Variants in TMEM117 observed in about 807,000 individuals in gnomAD.
The protein encoded by TMEM117 is transmembrane protein 117.
Under a neutral mutation model 52.4 loss-of-function variants are expected in TMEM117, and 27 were observed. The ratio of observed to expected loss-of-function variants is 0.51; its 90% confidence interval spans 0.38 to 0.71. The LOEUF is 0.71. TMEM117 is among the 30% of genes least tolerant of loss of function. The pLI is 0.00. For synonymous variants in TMEM117, 215 were observed against 206.3 expected, an observed-to-expected ratio of 1.04 and a Z score of -0.36; for missense variants, 556 against 630.5, an observed-to-expected ratio of 0.88 and a Z score of 1.26.
intron 3 of TMEM117, among the ~76,000 whole-genome samples, chr12:43,948,401 G>T (rs1945168199): frequency 6.6e-6 from 1 of 151,890 alleles, no homozygotes; most frequent in Admixed American, 6.6e-5. Context: ...TGCCTCCTGG[G>T]TTCATGCCAT....
At chr12:44,090,454 T>A (rs1054690231) in intron 3 of TMEM117, among the ~76,000 whole-genome samples, 5 of 146,158 alleles carry the variant, frequency 3.4e-5, no homozygotes, top group Non-Finnish European at 7.5e-5. Context: ...TTATTTATTT[T>A]GAGACTGAGT....
chr12:44,060,768 T>TGA (rs1041260301), intron 3 of TMEM117, among the ~76,000 whole-genome samples: 1 of 152,140 alleles, frequency 6.6e-6, no homozygotes, highest in Admixed American at 6.6e-5. Flanking sequence ...GTGAGTTTTC[T>TGA]GAGAGAGAGA....
At chr12:44,161,749 A>G (rs1318116048) in intron 4 of TMEM117, among the ~76,000 whole-genome samples, 1 of 152,104 alleles carries the variant, frequency 6.6e-6, no homozygotes, top group Non-Finnish European at 1.5e-5. Flanking sequence ...TTGGTATTTC[A>G]GTTGGTTGTC....
intron 3 of TMEM117, among the ~76,000 whole-genome samples, chr12:44,025,645 A>G (rs1252002083): frequency 6.6e-6 from 1 of 152,062 alleles, no homozygotes; most frequent in African/African-American, 2.4e-5. Context: ...TGTATTTTCG[A>G]AAAAAAATGT....
intron 6 of TMEM117, among the ~76,000 whole-genome samples, chr12:44,334,316 A>C (rs1185105213): frequency 6.6e-6 from 1 of 152,064 alleles, no homozygotes; most frequent in Non-Finnish European, 1.5e-5. Context: ...TAATATAATT[A>C]AGGGAATGGA....
At chr12:44,316,284 G>GT (rs1467421010) in intron 6 of TMEM117, among the ~76,000 whole-genome samples, 1 of 151,908 alleles carries the variant, frequency 6.6e-6, no homozygotes. Context: ...TTCTCTTAGC[G>GT]TTTTTTTATT....
chr12:43,898,296 A>T (rs1016296750), intron 2 of TMEM117, among the ~76,000 whole-genome samples: 11 of 151,536 alleles, frequency 7.3e-5, no homozygotes, highest in African/African-American at 2.4e-4. Context: ...CTAGCTAGAC[A>T]TATGAATGCC....
chr12:44,323,548 C>G (rs78725908), intron 6 of TMEM117, among the ~76,000 whole-genome samples: 2,033 of 151,962 alleles, frequency 0.013, 36 homozygotes, highest in African/African-American at 0.047. Context: ...TTTTTCTTAC[C>G]CATTTGACCA....
intron 5 of TMEM117, among the ~76,000 whole-genome samples, chr12:44,294,314 G>A (rs1950741310): frequency 6.6e-6 from 1 of 152,078 alleles, no homozygotes; most frequent in Admixed American, 6.6e-5. Flanking sequence ...GATTCCCAGT[G>A]GATGCCTGAA....
intron 6 of TMEM117, among the ~76,000 whole-genome samples, chr12:44,307,210 A>G (rs1245480264): frequency 1.3e-5 from 2 of 152,218 alleles, no homozygotes; most frequent in African/African-American, 4.8e-5. Flanking sequence ...TGGCAGAGCA[A>G]CAAGCATAAA....
the TMEM117 span, among the ~76,000 whole-genome samples, chr12:43,822,746 C>G: frequency 1.3e-5 from 2 of 151,740 alleles, no homozygotes; most frequent in Non-Finnish European, 2.9e-5. Flanking sequence ...AAATAAGTGG[C>G]AATAGCCAGG....
At chr12:44,188,753 T>A (rs1368345568) in intron 4 of TMEM117, among the ~76,000 whole-genome samples, 1 of 152,140 alleles carries the variant, frequency 6.6e-6, no homozygotes, top group Non-Finnish European at 1.5e-5. Context: ...GCAGGCTTAA[T>A]TCTTTTTCTT....
intron 2 of TMEM117, among the ~76,000 whole-genome samples, chr12:43,915,261 C>T: frequency 6.6e-6 from 1 of 152,118 alleles, no homozygotes; most frequent in East Asian, 1.9e-4. Context: ...AGTTAATATT[C>T]CCATCATGAG....
chr12:44,067,989 T>C (rs1260355601), intron 3 of TMEM117, among the ~76,000 whole-genome samples: 1 of 152,236 alleles, frequency 6.6e-6, no homozygotes, highest in Non-Finnish European at 1.5e-5. Flanking sequence ...TTACTGCAGC[T>C]TCTCCATTAG....
intron 2 of TMEM117, among the ~76,000 whole-genome samples, chr12:43,895,331 T>C (rs2137488842): frequency 6.6e-6 from 1 of 152,336 alleles, no homozygotes; most frequent in Non-Finnish European, 1.5e-5. Context: ...CATGATCTTG[T>C]TCTTTTTTAT....
intron 5 of TMEM117, among the ~76,000 whole-genome samples, chr12:44,245,467 G>A (rs1454898661): frequency 6.6e-6 from 1 of 151,830 alleles, no homozygotes; most frequent in Non-Finnish European, 1.5e-5. Context: ...TATTGTAAAT[G>A]GGATTGTTTT....
At chr12:44,332,057 G>C (rs1003323974) in intron 6 of TMEM117, among the ~76,000 whole-genome samples, 29 of 151,862 alleles carry the variant, frequency 1.9e-4, no homozygotes, top group Admixed American at 1.3e-4. Context: ...CATATCTGAG[G>C]CACATGTAGA....
chr12:44,316,007 A>G (rs576576297), intron 6 of TMEM117, among the ~76,000 whole-genome samples: 18 of 152,240 alleles, frequency 1.2e-4, no homozygotes, highest in African/African-American at 3.9e-4. Flanking sequence ...CAGGAGACAG[A>G]CTTTTTAATC....
chr12:44,168,686 AT>A lies in TMEM117; in HGVS notation c.510+25069del, dbSNP rs536867216. 3.3e-5 allele frequency among the ~76,000 whole-genome samples: 5 copies of A among 152,112 alleles called. No homozygotes were observed. In the East Asian group the frequency reaches 5.8e-4, roughly 18 times the overall value. On this transcript the variant is annotated intron_variant, in intron 4 of 7. Coordinates refer to ENST00000266534, the MANE Select transcript of TMEM117 (RefSeq NM_032256.3). ...AATTAGAACTTTTGAGCTAAAATAT[AT>A]TTTTTTATTGTGATAAAACGTACAT...
Sources: allele counts gnomAD v4.1 joint callset (sites outside exome capture counted in the v4.1 genomes callset), GRCh38; gene constraint gnomAD v4.1.1; transcripts MANE v1.5; gene names NCBI Gene and HGNC (gene_info 2026-07-23, HGNC 2026-07-21).